The following GFRA2 variants were observed in gnomAD, a reference collection of about 807,000 sequenced individuals.
The protein encoded by GFRA2 is GDNF family receptor alpha-2.
In GFRA2, 17 loss-of-function variants were observed where a neutral mutation model predicts 48.3. The observed-to-expected ratio is 0.35, with a 90% CI of 0.24 to 0.53. The LOEUF (loss-of-function observed/expected upper bound fraction) is 0.53. GFRA2 is among the 20% of genes least tolerant of loss of function. GFRA2 has a pLI of 0.93. For synonymous variants in GFRA2, 305 were observed against 257.2 expected (o/e 1.19, Z -1.78); for missense variants, 660 against 637.3 (o/e 1.04, Z -0.38).
rs1382510419 is a variant in GFRA2, at chr8:21,694,073, ATT to A, written c.1272+389_1272+390del. Reference sequence around the variant, plus strand: ...TATATATTTATATATATATTTATTTATTTTTATATATATATATATTTCCTATA... The same window carrying A: ...TATATATTTATATATATATTTATTTATTTATATATATATATATTTCCTATA... On this transcript the variant is annotated intron_variant, in intron 8 of 8. Transcript: ENST00000524240. Among the ~76,000 whole-genome samples the A allele has an allele frequency of 8.6e-5, 9 of 104,818 alleles. 1 individual carries two copies. The highest frequency in any genetic ancestry group is 4.5e-4 in the Admixed American group (5 of 11,228). The allele number at this position is 104,818 out of a possible 152,430, so 68.8% of individuals were successfully genotyped here.
intron 2 of GFRA2, among the ~76,000 whole-genome samples, chr8:21,802,043 C>G (rs1180913254): frequency 1.3e-5 from 2 of 152,230 alleles, no homozygotes; most frequent in Non-Finnish European, 2.9e-5. Context: ...TTTCTGACAC[C>G]ACCATGTGGG....
intron 1 of GFRA2, among the ~76,000 whole-genome samples, chr8:21,808,588 G>A (rs144286953): frequency 6.6e-6 from 1 of 152,186 alleles, no homozygotes; most frequent in African/African-American, 2.4e-5. Flanking sequence ...AGCCTCCAGC[G>A]CAGGTCCAGG....
chr8:21,694,055 T>TTATA (rs112398044), intron 8 of GFRA2, among the ~76,000 whole-genome samples: 2 of 77,466 alleles, frequency 2.6e-5, no homozygotes, highest in Admixed American at 2.3e-4. Context: ...ATATATATAT[T>TTATA]TATATATATA....
intron 4 of GFRA2, among the ~76,000 whole-genome samples, chr8:21,741,752 T>C (rs760084266): frequency 1.3e-5 from 2 of 151,994 alleles, no homozygotes; most frequent in South Asian, 4.1e-4. Flanking sequence ...TGAAAGCCCG[T>C]CTGTACTAAA....
intron 4 of GFRA2, among the ~76,000 whole-genome samples, chr8:21,721,260 C>T (rs1803579255): frequency 6.6e-6 from 1 of 152,176 alleles, no homozygotes; most frequent in Admixed American, 6.6e-5. Context: ...GTCTGCCTTT[C>T]CCCCCTTCCT....
chr8:21,747,972 A>C (rs1333207741), intron 4 of GFRA2, among the ~76,000 whole-genome samples: 2 of 151,720 alleles, frequency 1.3e-5, no homozygotes, highest in East Asian at 3.9e-4. Flanking sequence ...TCCCTTAAGC[A>C]CTGGTGTTTC....
chr8:21,778,248 A>G (rs984820222), intron 2 of GFRA2, among the ~76,000 whole-genome samples: 44 of 152,174 alleles, frequency 2.9e-4, no homozygotes, highest in African/African-American at 1.0e-3. Flanking sequence ...CCTCAGGGAG[A>G]CTGCTCAACA....
At chr8:21,745,729 AACTGAGC>A (rs1472569787) in intron 4 of GFRA2, among the ~76,000 whole-genome samples, 6 of 152,198 alleles carry the variant, frequency 3.9e-5, no homozygotes, top group Non-Finnish European at 8.8e-5. Flanking sequence ...TCCATAGGAC[AACTGAGC>A]ACTTTTGTGG....
intron 3 of GFRA2, among the ~76,000 whole-genome samples, chr8:21,763,062 T>C (rs1805988463): frequency 6.6e-6 from 1 of 152,206 alleles, no homozygotes; most frequent in South Asian, 2.1e-4. Context: ...TTTCTCACCA[T>C]AAGAAGTCCA....
rs1055579060 is a variant in GFRA2, at chr8:21,811,162, C to T, written c.-148+1069G>A. Among the ~76,000 whole-genome samples the T allele has an allele frequency of 9.2e-5, 14 of 152,288 alleles. 1 individual carries two copies. The highest frequency in any genetic ancestry group is 3.4e-3 in the Middle Eastern group (1 of 294). On this transcript the variant is annotated intron_variant, in intron 1 of 10. Transcript: ENST00000517328. ...CATGGGCAGCCACCTCCTCAGAGGC[C>T]TTTAGGGCCCCTGTGGAGGCCCAGC... is the stretch of plus-strand genomic sequence containing the variant.
intron 4 of GFRA2, among the ~76,000 whole-genome samples, chr8:21,715,306 T>C (rs2117418038): frequency 6.6e-6 from 1 of 152,256 alleles, no homozygotes; most frequent in South Asian, 2.1e-4. Context: ...AGTTTTGTTT[T>C]TTTGTGTGTT....
At chr8:21,801,344 T>C (rs1423907975) in intron 2 of GFRA2, among the ~76,000 whole-genome samples, 2 of 152,298 alleles carry the variant, frequency 1.3e-5, no homozygotes, top group East Asian at 3.9e-4. Context: ...TGCTTGCTAA[T>C]GAGCCTTCTG....
At chr8:21,802,432 A>G (rs1470738076) in intron 2 of GFRA2, among the ~76,000 whole-genome samples, 1 of 152,066 alleles carries the variant, frequency 6.6e-6, no homozygotes, top group Non-Finnish European at 1.5e-5. Context: ...ATGGGTCACT[A>G]TAGCCTTGAC....
chr8:21,696,896 C>G (rs1291032759), intron 7 of GFRA2, among the ~76,000 whole-genome samples: 1 of 111,788 alleles, frequency 8.9e-6, no homozygotes, highest in Admixed American at 1.2e-4. Context: ...GGGGAGGGGA[C>G]AGAGTGAGAG....
upstream of GFRA2, among the ~76,000 whole-genome samples, chr8:21,793,273 T>C (rs1807609082): frequency 6.6e-6 from 1 of 152,098 alleles, no homozygotes; most frequent in Admixed American, 6.5e-5. Context: ...TTTAGGAAGA[T>C]TGATCTGATG....
intron 1 of GFRA2, among the ~76,000 whole-genome samples, chr8:21,784,115 T>C (rs917618431): frequency 7.9e-5 from 12 of 151,964 alleles, no homozygotes; most frequent in African/African-American, 2.9e-4. Flanking sequence ...GGCCCCCATG[T>C]CCACACCCAC....
At chr8:21,701,786 G>A (rs1026485433) in intron 7 of GFRA2, among the ~76,000 whole-genome samples, 6 of 152,164 alleles carry the variant, frequency 3.9e-5, no homozygotes, top group Non-Finnish European at 7.3e-5. Context: ...AAGAAACCAA[G>A]CAACTGATGG....
intron 2 of GFRA2, among the ~76,000 whole-genome samples, chr8:21,803,527 T>C (rs1316843502): frequency 6.6e-6 from 1 of 152,104 alleles, no homozygotes; most frequent in East Asian, 1.9e-4. Flanking sequence ...AATGTATTCT[T>C]CCTAACTACA....
At chr8:21,705,245 C>T in intron 5 of GFRA2, 120 bp from the exon 6 acceptor site, 1 of 918,396 alleles carries the variant, frequency 1.1e-6, no homozygotes, top group Non-Finnish European at 1.6e-6. Context: ...TGACCTGGCC[C>T]CAAAACACAC....
Sources: allele counts gnomAD v4.1 joint callset (sites outside exome capture counted in the v4.1 genomes callset), GRCh38; gene constraint gnomAD v4.1.1; transcripts MANE v1.5; gene names NCBI Gene and HGNC (gene_info 2026-07-23, HGNC 2026-07-21).